Variants in TET3 observed in about 807,000 individuals in gnomAD.
TET3 encodes tet methylcytosine dioxygenase 3, also known as methylcytosine dioxygenase TET3.
TET3 carries 19 observed loss-of-function variants against 141.4 expected under a neutral mutation model. That is an observed-to-expected ratio of 0.13 (90% CI 0.09 to 0.20). The LOEUF (loss-of-function observed/expected upper bound fraction) is 0.20. TET3 is among the 10% of genes least tolerant of loss of function. TET3 has a pLI of 1.00. For missense variants in TET3, 1,874 were observed against 2,356.9 expected, an observed-to-expected ratio of 0.80 and a Z score of 4.24; for synonymous variants, 1,043 against 980.9, an observed-to-expected ratio of 1.06 and a Z score of -1.18.
intron 2 of TET3, among the ~76,000 whole-genome samples, chr2:73,999,973 C>G (rs1010715121): frequency 6.6e-6 from 1 of 151,866 alleles, no homozygotes; most frequent in Non-Finnish European, 1.5e-5. Flanking sequence ...CTGGTGTAGC[C>G]GAGGGCTGCT....
chr2:74,060,932 C>A lies in TET3; in HGVS notation c.2494+12521C>A, dbSNP rs557320360. Among the ~76,000 whole-genome samples the A allele has an allele frequency of 7.2e-5, 11 of 152,348 alleles. No individual in the cohort carries two copies. In the East Asian group the frequency reaches 2.1e-3, roughly 29 times the overall value. ...TCTACCTCTTTCTACACAGACACAG[C>A]AACCATCCGATTTCTCAATCTTTTC... On this transcript the variant is annotated intron_variant, in intron 4 of 11. Coordinates refer to ENST00000409262, the MANE Select transcript of TET3 (RefSeq NM_001287491.2).
At chr2:74,124,217 G>T in the TET3 span, among the ~76,000 whole-genome samples, 3 of 150,470 alleles carry the variant, frequency 2.0e-5, no homozygotes, top group Admixed American at 2.0e-4. Context: ...GAGGGAGGTG[G>T]GGGGGTCAGC....
chr2:73,997,527 A>C (rs1684654897), intron 2 of TET3, among the ~76,000 whole-genome samples: 2 of 152,120 alleles, frequency 1.3e-5, no homozygotes, highest in African/African-American at 4.8e-5. Flanking sequence ...TGTGAGGGCC[A>C]GTGGGAGAAG....
chr2:74,012,017 G>T (rs1685462178), intron 3 of TET3, among the ~76,000 whole-genome samples: 2 of 152,200 alleles, frequency 1.3e-5, no homozygotes, highest in Admixed American at 1.3e-4. Context: ...TTGGAGTGCG[G>T]TGGCTCGATC....
intron 4 of TET3, among the ~76,000 whole-genome samples, chr2:74,065,915 T>C (rs193099370): frequency 6.6e-4 from 101 of 152,038 alleles, no homozygotes; most frequent in African/African-American, 2.2e-3. Flanking sequence ...CCCGCCACCA[T>C]GCCAGCTAAT....
intron 5 of TET3, among the ~76,000 whole-genome samples, chr2:74,075,612 A>T (rs963893287): frequency 2.0e-5 from 3 of 152,138 alleles, no homozygotes; most frequent in African/African-American, 7.2e-5. Flanking sequence ...TACAGGTGTG[A>T]GCCACCGTGC....
chr2:74,091,334 C>T (rs147846019), intron 8 of TET3, among the ~76,000 whole-genome samples: 99 of 152,360 alleles, frequency 6.5e-4, no homozygotes, highest in Non-Finnish European at 1.1e-3. Context: ...CTGCCACTTC[C>T]TGTGCTCTTA....
upstream of TET3, among the ~76,000 whole-genome samples, chr2:73,983,768 A>G (rs958751012): frequency 1.1e-4 from 17 of 152,222 alleles, no homozygotes; most frequent in Non-Finnish European, 2.4e-4. Context: ...AGCACCGCCC[A>G]AACTGGTCAG....
intron 6 of TET3, among the ~76,000 whole-genome samples, chr2:74,081,416 G>A (rs1440222810): frequency 6.6e-6 from 1 of 152,260 alleles, no homozygotes; most frequent in African/African-American, 2.4e-5. Flanking sequence ...GTGCTCTAGA[G>A]ACATATGAAA....
rs751522796 is a variant in TET3 at position 74,047,211 on chromosome 2, G to C, written c.1294G>C (p.Glu432Gln). ...CTTCCCTCCAGCAACTCCTAGAACT[G>C]AGTTCCCTGAAGCCTGGGGCACTGA... ...SAFPPATPRT[E>Q]FPEAWGTDTP... Residue 432 changes from glutamate to glutamine, a missense_variant, in exon 4 of 12, where the codon GAG (glutamate) becomes CAG (glutamine). By Grantham distance (29) the Glu-to-Gln change is conservative. Coordinates refer to ENST00000409262, the MANE Select transcript of TET3 (RefSeq NM_001287491.2). The C allele has an allele frequency of 6.2e-6, 10 of 1,613,838 alleles. No individual in the cohort carries two copies. In the African/African-American group the frequency reaches 1.2e-4, roughly 19 times the overall value.
chr2:74,058,472 A>G (rs1349466335), intron 4 of TET3, among the ~76,000 whole-genome samples: 1 of 152,204 alleles, frequency 6.6e-6, no homozygotes, highest in African/African-American at 2.4e-5. Context: ...TTGACAAATA[A>G]CAATGCCGAT....
At chr2:74,071,613 A>G (rs1689207195) in intron 4 of TET3, among the ~76,000 whole-genome samples, 1 of 152,236 alleles carries the variant, frequency 6.6e-6, no homozygotes, top group Non-Finnish European at 1.5e-5. Flanking sequence ...TTGGTACAAT[A>G]CTGTTAACTA....
intron 2 of TET3, chr2:74,002,697 CGGCAGCT>C (rs758203844): frequency 1.2e-5 from 5 of 430,278 alleles, no homozygotes; most frequent in Non-Finnish European, 2.0e-5. Context: ...GGAGCGCAGC[CGGCAGCT>C]GGCCGCCGCC....
Position 74,046,204 on chromosome 2 carries a change from G to A in TET3, c.361-74G>A. The A allele has an allele frequency of 7.3e-7, 1 of 1,371,376 alleles. No homozygotes were observed. The highest frequency in any genetic ancestry group is 9.6e-7 in the Non-Finnish European group (1 of 1,040,166). The allele number at this position is 1,371,376 out of a possible 1,614,324, so 85.0% of individuals were successfully genotyped here. A position where few individuals can be genotyped will look rare whatever the true frequency, so the allele number is the denominator to read the frequency against. ...TTGGGGTCAGATGTGCACCTGAGTG[G>A]TATGAAGCAGGGAAATGCTTTTCAA... On this transcript the variant is annotated intron_variant, in intron 3 of 11. Coordinates refer to ENST00000409262, the MANE Select transcript of TET3 (RefSeq NM_001287491.2). This position sits in a 1 kb window ranked among gnomAD's most constrained non-coding sequence, Gnocchi z 4.3.
At chr2:74,012,692 T>C (rs193260036) in intron 3 of TET3, among the ~76,000 whole-genome samples, 25 of 152,368 alleles carry the variant, frequency 1.6e-4, no homozygotes, top group African/African-American at 6.0e-4. Flanking sequence ...CAAATATGTA[T>C]TGAGTAGAGG....
intron 2 of TET3, among the ~76,000 whole-genome samples, chr2:73,987,067 A>G (rs975294650): frequency 4.6e-5 from 7 of 152,176 alleles, no homozygotes; most frequent in Non-Finnish European, 1.5e-5. Flanking sequence ...TGAGGGTGTA[A>G]GATAAGAGAT....
chr2:74,063,036 A>C (rs1688682673), intron 4 of TET3, among the ~76,000 whole-genome samples: 1 of 151,914 alleles, frequency 6.6e-6, no homozygotes, highest in African/African-American at 2.4e-5. Context: ...GGCGTGCACC[A>C]CCACGCCTGG....
Position 74,106,566 on chromosome 2 carries a change from C to T in TET3, c.*4390C>T, listed in dbSNP as rs1691515259. 6.5e-6 allele frequency: 1 copy of T among 153,774 alleles called. No homozygotes were observed. Among genetic ancestry groups the T allele is most frequent in the African/African-American group, 2.4e-5 (1 of 41,440 alleles). 9.5% of individuals were successfully genotyped at this position (153,774 alleles called of 1,614,324 possible). The stretch of plus-strand genomic sequence containing the variant: ...TTCTCTGACCCAGCGTTGCTTCTGC[C>T]TCTCATTGGTAACCCCTTATGTTCG... On this transcript the variant is annotated 3_prime_UTR_variant, in exon 12 of 12. Coordinates refer to ENST00000409262, the MANE Select transcript of TET3 (RefSeq NM_001287491.2).
In TET3 at chr2:74,047,077, C is replaced by G. The variant is rs1021917037; in HGVS notation, c.1160C>G (p.Ala387Gly). The G allele has an allele frequency of 1.8e-5, 29 of 1,613,882 alleles. No homozygotes were observed. The highest frequency in any genetic ancestry group is 2.5e-5 in the Non-Finnish European group (29 of 1,179,876). Residue 387 changes from alanine to glycine, a missense_variant, in exon 4 of 12, where the codon GCC (alanine) becomes GGC (glycine). Physicochemically the swap from Ala to Gly is moderately conservative, Grantham distance 60. Around this residue, in one of 10 missense-constraint regions of TET3, gnomAD observed 484 missense variants for 462.2 expected, o/e 1.05. Transcript: ENST00000409262. ...TPQASCPLPEALSPPAPFRSP... is the reference protein window; with the variant it reads ...TPQASCPLPEGLSPPAPFRSP... ...CAGGCTTCTTGCCCCCTTCCTGAGG[C>G]CTTGTCACCTCCTGCCCCTTTCAGA...
Sources: gnomAD v4.1 joint callset for allele counts (sites outside exome capture counted in the v4.1 genomes callset) on GRCh38, gnomAD v4.1.1 for gene constraint, gnomAD v4.1.1 regional missense constraint, Gnocchi (gnomAD v3.1) non-coding constraint, MANE v1.5 for transcripts, NCBI Gene and HGNC (gene_info 2026-07-23, HGNC 2026-07-21) for gene names.